The following ACSS3 variants were observed in gnomAD, a reference collection of about 807,000 sequenced individuals.
The protein encoded by ACSS3 is acyl-CoA synthetase short chain family member 3.
ACSS3 carries 64 observed loss-of-function variants against 84.2 expected under a neutral mutation model. The observed-to-expected ratio is 0.76, with a 90% CI of 0.62 to 0.94. The LOEUF is 0.94. ACSS3 is among the 40% of genes least tolerant of loss of function. The pLI is 0.00. For synonymous variants in ACSS3, 317 were observed against 310.1 expected, an observed-to-expected ratio of 1.02 and a Z score of -0.23; for missense variants, 815 against 867.6, an observed-to-expected ratio of 0.94 and a Z score of 0.76.
chr12:81,094,459 GTGTAT>G, intron 1 of ACSS3: 1 of 152,252 alleles, frequency 6.6e-6, no homozygotes. Context: ...GACGCTCCCT[GTGTAT>G]CTCTCCCAAT....
intron 11 of ACSS3, among the ~76,000 whole-genome samples, chr12:81,224,111 CA>C (rs1365973617): frequency 6.6e-6 from 1 of 151,770 alleles, no homozygotes; most frequent in Non-Finnish European, 1.5e-5. Context: ...TGAGTTGTAC[CA>C]AAACTCCCTC....
At chr12:81,099,534 T>C (rs1292532919) in intron 1 of ACSS3, among the ~76,000 whole-genome samples, 1 of 152,194 alleles carries the variant, frequency 6.6e-6, no homozygotes, top group East Asian at 1.9e-4. Flanking sequence ...GAGAATTTCA[T>C]ATTATAGGCC....
At chr12:81,235,884 A>G (rs2033615813) in intron 13 of ACSS3, among the ~76,000 whole-genome samples, 2 of 151,264 alleles carry the variant, frequency 1.3e-5, no homozygotes, top group Non-Finnish European at 1.5e-5. Context: ...ACTTGTTGAG[A>G]CTTTCTGTGT....
At chr12:81,231,447 A>G (rs1393007490) in intron 12 of ACSS3, among the ~76,000 whole-genome samples, 2 of 151,754 alleles carry the variant, frequency 1.3e-5, no homozygotes, top group African/African-American at 4.8e-5. Flanking sequence ...GACTTTCTGT[A>G]TGTTTCCTCT....
intron 13 of ACSS3, among the ~76,000 whole-genome samples, chr12:81,247,874 A>C (rs1296820011): frequency 6.6e-6 from 1 of 152,122 alleles, no homozygotes; most frequent in Admixed American, 6.5e-5. Context: ...ATTCCACTTT[A>C]ACTTTTTGGA....
chr12:81,199,202 T>C, intron 8 of ACSS3, 139 bp from the exon 9 acceptor site: 1 of 697,166 alleles, frequency 1.4e-6, no homozygotes, highest in Admixed American at 3.0e-5. Flanking sequence ...ACTCTCATCA[T>C]TATACAGTGT....
At chr12:81,131,687 G>A (rs1442781875) in intron 2 of ACSS3, among the ~76,000 whole-genome samples, 2 of 152,280 alleles carry the variant, frequency 1.3e-5, no homozygotes, top group East Asian at 3.9e-4. Flanking sequence ...GTGAGAGAGG[G>A]CATCCCTGTC....
chr12:81,140,908 A>G (rs891796240), intron 4 of ACSS3, among the ~76,000 whole-genome samples: 1 of 152,190 alleles, frequency 6.6e-6, no homozygotes, highest in Non-Finnish European at 1.5e-5. Context: ...AATGCTAAGT[A>G]CTTCCAAATA....
intron 13 of ACSS3, among the ~76,000 whole-genome samples, chr12:81,239,308 GA>G (rs1301728675): frequency 1.3e-5 from 2 of 151,424 alleles, no homozygotes; most frequent in African/African-American, 4.8e-5. Context: ...ATTTAAGTTT[GA>G]AAAAAATGTG....
intron 2 of ACSS3, among the ~76,000 whole-genome samples, chr12:81,111,835 G>C (rs1485343001): frequency 6.6e-6 from 1 of 152,122 alleles, no homozygotes; most frequent in Non-Finnish European, 1.5e-5. Flanking sequence ...TAGGAACTGG[G>C]GACCTGTCTC....
chr12:81,208,813 A>G (rs2032459310), intron 9 of ACSS3, among the ~76,000 whole-genome samples: 1 of 152,168 alleles, frequency 6.6e-6, no homozygotes, highest in African/African-American at 2.4e-5. Context: ...GCTCTGCGGA[A>G]TAACTCACAG....
At chr12:81,213,198 G>T (rs140157185) in intron 9 of ACSS3, among the ~76,000 whole-genome samples, 223 of 152,212 alleles carry the variant, frequency 1.5e-3, no homozygotes, top group Non-Finnish European at 1.4e-3. Context: ...AGAACATCCT[G>T]GAAATGGGGC....
At chr12:81,147,582 C>T (rs1325092857) in intron 5 of ACSS3, among the ~76,000 whole-genome samples, 1 of 152,068 alleles carries the variant, frequency 6.6e-6, no homozygotes, top group African/African-American at 2.4e-5. Context: ...TGAAACTTCC[C>T]AGAAGAGGTG....
At position 81,176,334 on chromosome 12, in the gene ACSS3, A is replaced by G. The variant is rs2030474529; in HGVS notation, c.1250+1395A>G. 2.0e-5 allele frequency among the ~76,000 whole-genome samples: 3 copies of G among 152,130 alleles called. No homozygotes were observed. The South Asian group carries it at 6.2e-4, about 31-fold the overall frequency. ...TGTCTCATGCCTGTAATCCCAGCAC[A>G]CTGGAAGGCCGAGGCAGGTGGATCA... On this transcript the variant is annotated intron_variant, in intron 8 of 15. Coordinates refer to ENST00000548058, the MANE Select transcript of ACSS3 (RefSeq NM_024560.4).
intron 1 of ACSS3, among the ~76,000 whole-genome samples, chr12:81,107,484 G>GT (rs57506230): frequency 0.37 from 30,303 of 80,832 alleles, 7,326 homozygotes; most frequent in Middle Eastern, 0.51. Flanking sequence ...TGCCAGAAAT[G>GT]TTTTTTTTTT....
At chr12:81,179,072 A>G (rs988435587) in intron 8 of ACSS3, among the ~76,000 whole-genome samples, 1 of 152,124 alleles carries the variant, frequency 6.6e-6, no homozygotes, top group Non-Finnish European at 1.5e-5. Flanking sequence ...AAATGGAGCT[A>G]GGATAACTGG....
At chr12:81,126,533 G>A (rs1275852006) in intron 2 of ACSS3, among the ~76,000 whole-genome samples, 2 of 152,064 alleles carry the variant, frequency 1.3e-5, no homozygotes, top group Non-Finnish European at 2.9e-5. Context: ...TGCTTTACAA[G>A]ATGTGATGAA....
intron 13 of ACSS3, among the ~76,000 whole-genome samples, chr12:81,251,670 A>AAAAAAAG (rs111381060): frequency 0.066 from 6,950 of 105,220 alleles, 337 homozygotes; most frequent in African/African-American, 0.083. Context: ...CATCTCTACA[A>AAAAAAAG]AAAAAAAAAA....
chr12:81,164,944 T>A (rs933251584), intron 7 of ACSS3, among the ~76,000 whole-genome samples: 11 of 152,098 alleles, frequency 7.2e-5, no homozygotes, highest in Non-Finnish European at 1.5e-4. Flanking sequence ...TTTCTTCCCT[T>A]CATGTAATGG....
Sources: gnomAD v4.1 joint callset for allele counts (sites outside exome capture counted in the v4.1 genomes callset) on GRCh38, gnomAD v4.1.1 for gene constraint, MANE v1.5 for transcripts, NCBI Gene and HGNC (gene_info 2026-07-23, HGNC 2026-07-21) for gene names.